The following LRIG2 variants were observed in gnomAD, a reference collection of about 807,000 sequenced individuals.
LRIG2 encodes leucine-rich repeats and immunoglobulin-like domains protein 2.
LRIG2 carries 93 observed loss-of-function variants against 107.8 expected under a neutral mutation model. The observed-to-expected ratio is 0.86, with a 90% CI of 0.73 to 1.03. The LOEUF is 1.03. Ranked by LOEUF, LRIG2 falls within the 50% of genes least tolerant of loss-of-function variation. The pLI, the probability that LRIG2 is intolerant of heterozygous loss-of-function variation, is 0.00. For missense variants in LRIG2, 1,226 were observed against 1,296.0 expected (o/e 0.95, Z 0.83); for synonymous variants, 471 against 470.6 (o/e 1.00, Z -0.01).
intron 15 of LRIG2, among the ~76,000 whole-genome samples, chr1:113,115,446 A>C (rs1468203030): frequency 2.0e-5 from 3 of 152,062 alleles, no homozygotes; most frequent in Non-Finnish European, 4.4e-5. Flanking sequence ...CCTGGGCTCT[A>C]GCAATTTGTC....
In LRIG2 at chr1:113,094,694, C is replaced by T. The variant is rs766187315; in HGVS notation, c.742C>T (p.Arg248Trp). 14 of 1,613,550 alleles carry T rather than the reference C, an allele frequency of 8.7e-6. No individual in the cohort carries two copies. The highest frequency in any genetic ancestry group is 8.3e-5 in the Admixed American group (5 of 59,978). ...LDSLRSLKMQ[R>W]NGISKLKDGA... is the part of the protein sequence containing the mutation. ...CTCCTTAAGATCTTTGAAAATGCAG[C>T]GGAATGGAATTAGCAAACTTAAGGA... is the stretch of plus-strand genomic sequence containing the variant. Residue 248 changes from arginine to tryptophan, a missense_variant, in exon 6 of 18, where the codon CGG becomes TGG. By Grantham distance (101) the Arg-to-Trp change is moderately radical. Transcript: ENST00000361127.
intron 1 of LRIG2, among the ~76,000 whole-genome samples, chr1:113,087,123 A>G (rs764862172): frequency 3.9e-5 from 6 of 152,330 alleles, no homozygotes; most frequent in African/African-American, 1.2e-4. Context: ...AGCCTAGGCA[A>G]CAGAGCTTTA....
intron 1 of LRIG2, among the ~76,000 whole-genome samples, chr1:113,076,880 CTG>C (rs1218960384): frequency 1.3e-5 from 2 of 152,140 alleles, no homozygotes; most frequent in African/African-American, 4.8e-5. Flanking sequence ...GTATAGAGCT[CTG>C]TTTCACATTA....
At chr1:113,120,781 A>G (rs1410080006) in intron 17 of LRIG2, among the ~76,000 whole-genome samples, 2 of 151,244 alleles carry the variant, frequency 1.3e-5, no homozygotes, top group South Asian at 2.1e-4. Context: ...AAGTGCTGGG[A>G]TTACAGGCAT....
intron 16 of LRIG2, among the ~76,000 whole-genome samples, chr1:113,118,656 C>T (rs1335160915): frequency 6.6e-6 from 1 of 151,646 alleles, no homozygotes; most frequent in African/African-American, 2.4e-5. Flanking sequence ...CTCACTCTGG[C>T]AGTATGACTT....
chr1:113,124,258 TA>T lies in LRIG2; in HGVS notation c.*158del, dbSNP rs1655395679. 1.6e-6 allele frequency: 1 copy of T among 643,660 alleles called. No individual in the cohort carries two copies. Among genetic ancestry groups the T allele is most frequent in the East Asian group, 2.7e-5 (1 of 36,604 alleles). The allele number at this position is 643,660 out of a possible 1,614,324, so 39.9% of individuals were successfully genotyped here. ...AGGTGGGCCATGCGTTGTTTGGTCT[TA>T]TACCTGATGAAGAAATGGCAACAGC... On this transcript the variant is annotated 3_prime_UTR_variant, in exon 18 of 18. Coordinates refer to ENST00000361127, the MANE Select transcript of LRIG2 (RefSeq NM_014813.3).
At chr1:113,123,482 T>C (rs1269677406) in intron 17 of LRIG2, among the ~76,000 whole-genome samples, 1 of 151,988 alleles carries the variant, frequency 6.6e-6, no homozygotes, top group African/African-American at 2.4e-5. Flanking sequence ...GCTGACGCAG[T>C]AGAATTGTGT....
intron 11 of LRIG2, among the ~76,000 whole-genome samples, chr1:113,107,311 T>C (rs1654581718): frequency 6.6e-6 from 1 of 152,348 alleles, no homozygotes; most frequent in African/African-American, 2.4e-5. Flanking sequence ...TGCAGATTTT[T>C]TTTTCAATCA....
intron 9 of LRIG2, among the ~76,000 whole-genome samples, chr1:113,099,152 G>A (rs539807278): frequency 6.6e-6 from 1 of 151,766 alleles, no homozygotes; most frequent in Admixed American, 6.6e-5. Flanking sequence ...GGCCAGGCTG[G>A]TCTTGAACTC....
intron 1 of LRIG2, among the ~76,000 whole-genome samples, chr1:113,088,399 G>A (rs145680370): frequency 2.0e-5 from 3 of 152,074 alleles, no homozygotes; most frequent in African/African-American, 4.8e-5. Context: ...TATTTATAAC[G>A]TATAAATTGA....
Position 113,124,230 on chromosome 1 carries a change from C to A in LRIG2, c.*129C>A, listed in dbSNP as rs1317258062. 1.7e-5 allele frequency: 13 copies of A among 767,674 alleles called. No individual in the cohort carries two copies. Among genetic ancestry groups the A allele is most frequent in the Non-Finnish European group, 2.3e-5 (11 of 474,928 alleles). 47.6% of individuals were successfully genotyped at this position (767,674 alleles called of 1,614,324 possible). ...TTCTTTATGATTGCATCTGACCGCA[C>A]CAAGGTGGGCCATGCGTTGTTTGGT... On this transcript the variant is annotated 3_prime_UTR_variant, in exon 18 of 18. Transcript: ENST00000361127.
intron 1 of LRIG2, among the ~76,000 whole-genome samples, chr1:113,086,605 G>C (rs1570732485): frequency 6.6e-6 from 1 of 152,138 alleles, no homozygotes; most frequent in Admixed American, 6.6e-5. Context: ...GGACTTTGTT[G>C]CAATTAGCTT....
rs1343059131 is a variant in LRIG2 at position 113,114,802 on chromosome 1, G to T, written c.2456G>T (p.Gly819Val). ...ATTGTTGTGGTCTGCTGTGTTGTTG[G>T]CACTTCTTTGATCTGGGTCATTGTT... ...VIIVVVCCVV[G>V]TSLIWVIVIY... The change falls in exon 15 of 18, where the codon GGC (glycine) becomes GTC (valine). Residue 819 changes from glycine (G) to valine (V), a missense_variant. Around this residue, in one of 3 missense-constraint regions of LRIG2, gnomAD observed 642 missense variants for 712.2 expected, o/e 0.90. Transcript: ENST00000361127. 9 of 1,614,132 alleles carry T rather than the reference G, an allele frequency of 5.6e-6. No individual in the cohort carries two copies. Among genetic ancestry groups the T allele is most frequent in the African/African-American group, 1.3e-5 (1 of 75,036 alleles).
intron 11 of LRIG2, chr1:113,100,730 T>G (rs764596115): frequency 8.2e-6 from 3 of 365,998 alleles, no homozygotes; most frequent in Non-Finnish European, 1.6e-5. Context: ...TGCTTATAAT[T>G]AGGAGACCTC....
chr1:113,102,980 C>A (rs570996846), intron 11 of LRIG2, among the ~76,000 whole-genome samples: 1 of 144,614 alleles, frequency 6.9e-6, no homozygotes, highest in East Asian at 2.1e-4. Context: ...TTGTGACTTA[C>A]TACAAATTAG....
intron 16 of LRIG2, among the ~76,000 whole-genome samples, chr1:113,117,164 C>A (rs1478744770): frequency 2.6e-5 from 4 of 152,200 alleles, no homozygotes; most frequent in African/African-American, 9.7e-5. Flanking sequence ...TAGGGAGTGA[C>A]AGAACTGAAT....
intron 17 of LRIG2, among the ~76,000 whole-genome samples, chr1:113,122,385 C>G (rs1307673566): frequency 6.6e-6 from 1 of 152,144 alleles, no homozygotes; most frequent in Non-Finnish European, 1.5e-5. Flanking sequence ...CTGCACCCAG[C>G]CTCTATTGTT....
chr1:113,110,391 G>A lies in LRIG2; in HGVS notation c.1627G>A (p.Val543Met), dbSNP rs141132939. Residue 543 changes from valine (V) to methionine (M), a missense_variant, in exon 13 of 18, where the codon GTG becomes ATG. Val to Met is a conservative substitution (Grantham distance 21). Transcript: ENST00000361127. ...WRKDSEILYDVDTENFVRYWQ... is the reference protein window; with the variant it reads ...WRKDSEILYDMDTENFVRYWQ... ...CAAAGACAGTGAAATCCTGTATGAC[G>A]TGGATACTGAGAATTTTGTTCGTTA... is the stretch of plus-strand genomic sequence containing the variant. 100 of 1,614,056 alleles carry A rather than the reference G, an allele frequency of 6.2e-5. No individual in the cohort carries two copies. Among genetic ancestry groups the A allele is most frequent in the African/African-American group, 8.0e-5 (6 of 74,916 alleles).
At position 113,110,330 on chromosome 1, in the gene LRIG2, G is replaced by T; in HGVS notation, c.1566G>T (p.Val522=). ...ATGTGACTCTGACGTGCACTGCAGT[G>T]AGCAGCAGTGATTCACCCATGTCCA... is the stretch of plus-strand genomic sequence containing the variant. ...GMNVTLTCTA[V]SSSDSPMSTV... Residue 522 remains valine, a synonymous_variant, in exon 13 of 18, where the codon GTG becomes GTT. Coordinates refer to ENST00000361127, the MANE Select transcript of LRIG2 (RefSeq NM_014813.3). 1 of 1,612,570 alleles carries T rather than the reference G, an allele frequency of 6.2e-7. No homozygotes were observed. Among genetic ancestry groups the T allele is most frequent in the South Asian group, 1.1e-5 (1 of 91,058 alleles).
Sources: allele counts gnomAD v4.1 joint callset (sites outside exome capture counted in the v4.1 genomes callset), GRCh38; gene constraint gnomAD v4.1.1; regional missense constraint gnomAD v4.1.1; transcripts MANE v1.5; gene names NCBI Gene and HGNC (gene_info 2026-07-23, HGNC 2026-07-21).